Variants in WWOX observed in about 807,000 individuals in gnomAD.
The protein encoded by WWOX is WW domain containing oxidoreductase, also known as WW domain-containing oxidoreductase.
WWOX carries 69 observed loss-of-function variants against 46.2 expected under a neutral mutation model. The observed-to-expected ratio is 1.49, with a 90% CI of 1.23 to 1.82. The LOEUF (loss-of-function observed/expected upper bound fraction) is 1.82. WWOX is among the 40% of genes most tolerant of loss of function. The pLI is 0.00. For synonymous variants in WWOX, 359 were observed against 202.6 expected (o/e 1.77, Z -6.56); for missense variants, 919 against 542.6 (o/e 1.69, Z -6.89).
chr16:78,859,026 AAATATATATATATATATATATATG>A (rs1269395117), intron 8 of WWOX, among the ~76,000 whole-genome samples: 17 of 23,946 alleles, frequency 7.1e-4, no homozygotes, highest in Admixed American at 1.9e-3. Flanking sequence ...AAAAAAAAAA[AAATATATATATATATATATATATG>A]TATATATATA....
At chr16:79,127,954 A>T (rs1220080863) in intron 8 of WWOX, among the ~76,000 whole-genome samples, 2 of 152,216 alleles carry the variant, frequency 1.3e-5, no homozygotes, top group Non-Finnish European at 2.9e-5. Context: ...CATGACAGTT[A>T]CGCAAAGGCC....
At chr16:79,153,329 G>A (rs964314756) in intron 8 of WWOX, among the ~76,000 whole-genome samples, 1 of 152,244 alleles carries the variant, frequency 6.6e-6, no homozygotes, top group Middle Eastern at 3.4e-3. Flanking sequence ...AGTCACATGA[G>A]TCACGCCAAG....
chr16:79,024,130 A>C (rs535422087), intron 8 of WWOX, among the ~76,000 whole-genome samples: 34 of 152,330 alleles, frequency 2.2e-4, no homozygotes, highest in Middle Eastern at 3.4e-3. Flanking sequence ...CTGCTAAAGC[A>C]TTCAAGGTTT....
chr16:78,470,373 G>T (rs1417525746), intron 8 of WWOX, among the ~76,000 whole-genome samples: 2 of 152,100 alleles, frequency 1.3e-5, no homozygotes, highest in Admixed American at 1.3e-4. Flanking sequence ...AAATCACTTT[G>T]GATTCTCATT....
At chr16:78,761,091 T>C (rs996887025) in intron 8 of WWOX, among the ~76,000 whole-genome samples, 2 of 152,170 alleles carry the variant, frequency 1.3e-5, no homozygotes, top group African/African-American at 4.8e-5. Context: ...CAATTCAAGA[T>C]GCGATTTGGG....
chr16:79,161,540 C>T (rs527642102), intron 8 of WWOX, among the ~76,000 whole-genome samples: 4 of 152,076 alleles, frequency 2.6e-5, no homozygotes, highest in African/African-American at 9.7e-5. Flanking sequence ...TTATTGTTTT[C>T]AGGACAGGGT....
intron 8 of WWOX, chr16:78,525,936 G>T (rs1454466863): frequency 6.6e-6 from 1 of 151,892 alleles, no homozygotes; most frequent in East Asian, 1.9e-4. Flanking sequence ...ATATAAGCAT[G>T]ATTTATCATT....
At chr16:78,366,325 C>T (rs539611432) in intron 5 of WWOX, among the ~76,000 whole-genome samples, 1 of 152,270 alleles carries the variant, frequency 6.6e-6, no homozygotes, top group South Asian at 2.1e-4. Flanking sequence ...GATATGCTCC[C>T]TCCTATGCCT....
At chr16:79,000,676 A>G (rs2047075730) in intron 8 of WWOX, among the ~76,000 whole-genome samples, 1 of 152,326 alleles carries the variant, frequency 6.6e-6, no homozygotes, top group South Asian at 2.1e-4. Context: ...TAGCACAGTG[A>G]TACCCATTGT....
chr16:78,970,887 C>A (rs200899899), intron 8 of WWOX, among the ~76,000 whole-genome samples: 1 of 151,976 alleles, frequency 6.6e-6, no homozygotes, highest in Non-Finnish European at 1.5e-5. Context: ...AAAATATAAT[C>A]AGATGATTTG....
At chr16:78,693,999 G>T (rs187660309) in intron 8 of WWOX, among the ~76,000 whole-genome samples, 4 of 152,190 alleles carry the variant, frequency 2.6e-5, no homozygotes, top group African/African-American at 4.8e-5. Flanking sequence ...TTAGGAGGCC[G>T]AGGCAGGTGG....
chr16:78,227,845 C>T (rs2037117002), intron 5 of WWOX, among the ~76,000 whole-genome samples: 1 of 152,176 alleles, frequency 6.6e-6, no homozygotes, highest in Non-Finnish European at 1.5e-5. Context: ...CAGTGCACTC[C>T]AGCCTGGGTG....
chr16:78,904,176 C>T (rs1398032665), intron 8 of WWOX, among the ~76,000 whole-genome samples: 1 of 150,724 alleles, frequency 6.6e-6, no homozygotes, highest in Admixed American at 6.6e-5. Context: ...TTCTTTAAAG[C>T]AGAAGTTAGC....
intron 7 of WWOX, 128 bp downstream of exon 7, chr16:78,425,183 C>A: frequency 7.8e-7 from 1 of 1,287,024 alleles, no homozygotes; most frequent in Non-Finnish European, 1.1e-6. Context: ...CTCAGCTTGG[C>A]TCACTTAATT....
chr16:78,834,235 T>A (rs1054755254), intron 8 of WWOX, among the ~76,000 whole-genome samples: 2 of 152,176 alleles, frequency 1.3e-5, no homozygotes, highest in African/African-American at 4.8e-5. Flanking sequence ...TGTGTTCTGA[T>A]AGCAAACATG....
rs941156863 is a variant in WWOX, at chr16:78,425,012, T to A, written c.748T>A (p.Ser250Thr). ...VQLLQDVLCR[S>T]APARVIVVSS... ...GCTCCTCCAGGATGTTTTGTGCCGC[T>A]CAGCTCCTGCCCGTGTCATTGTGGT... Residue 250 changes from serine (S) to threonine (T), a missense_variant, in exon 7 of 9, where the codon TCA (serine) becomes ACA (threonine). Transcript: ENST00000566780. 66 of 1,613,980 alleles carry A rather than the reference T, an allele frequency of 4.1e-5. No individual in the cohort carries two copies. Among genetic ancestry groups the A allele is most frequent in the Non-Finnish European group, 5.1e-5 (60 of 1,180,032 alleles).
intron 8 of WWOX, among the ~76,000 whole-genome samples, chr16:78,447,297 A>G (rs2083584084): frequency 6.8e-6 from 1 of 146,152 alleles, no homozygotes; most frequent in Non-Finnish European, 1.5e-5. Flanking sequence ...TTAATACTGT[A>G]ATAAATTTTT....
At chr16:79,169,037 A>T (rs1167684873) in intron 8 of WWOX, among the ~76,000 whole-genome samples, 1 of 152,236 alleles carries the variant, frequency 6.6e-6, no homozygotes, top group African/African-American at 2.4e-5. Flanking sequence ...TGGAGAATCT[A>T]TTAGATACAA....
intron 8 of WWOX, among the ~76,000 whole-genome samples, chr16:78,628,172 G>A (rs1430377943): frequency 1.3e-5 from 2 of 152,182 alleles, no homozygotes; most frequent in East Asian, 3.9e-4. Flanking sequence ...AAAGCTGGAT[G>A]CTTGGAATTG....
Sources: allele counts gnomAD v4.1 joint callset (sites outside exome capture counted in the v4.1 genomes callset), GRCh38; gene constraint gnomAD v4.1.1; transcripts MANE v1.5; gene names NCBI Gene and HGNC (gene_info 2026-07-23, HGNC 2026-07-21).